GRB10: variants seen among roughly 807,000 people sequenced by gnomAD.
GRB10 encodes the protein growth factor receptor bound protein 10, also known as growth factor receptor-bound protein 10.
GRB10 carries 20 observed loss-of-function variants against 80.9 expected under a neutral mutation model. That is an observed-to-expected ratio of 0.25 (90% CI 0.17 to 0.36). GRB10 has a LOEUF of 0.36. Ranked by LOEUF, GRB10 falls within the 10% of genes least tolerant of loss-of-function variation. The pLI, the probability that GRB10 is intolerant of heterozygous loss-of-function variation, is 1.00. For synonymous variants in GRB10, 291 were observed against 291.5 expected (o/e 1.00, Z 0.02); for missense variants, 548 against 747.7 (o/e 0.73, Z 3.12).
upstream of GRB10, among the ~76,000 whole-genome samples, chr7:50,784,581 C>T (rs574434159): frequency 2.0e-5 from 3 of 152,276 alleles, no homozygotes; most frequent in African/African-American, 7.2e-5. Flanking sequence ...GGTCCCAGTT[C>T]GAAGCAGCTG....
At chr7:50,681,822 T>C (rs976814698) in intron 5 of GRB10, among the ~76,000 whole-genome samples, 7 of 152,248 alleles carry the variant, frequency 4.6e-5, no homozygotes, top group Non-Finnish European at 1.0e-4. Flanking sequence ...GAGGTGTAAC[T>C]TCCCCTTTTA....
chr7:50,639,410 T>C (rs1184453075), intron 7 of GRB10, among the ~76,000 whole-genome samples: 1 of 152,184 alleles, frequency 6.6e-6, no homozygotes, highest in Non-Finnish European at 1.5e-5. Context: ...GCGCAGTGGC[T>C]CACGCCTGTA....
At chr7:50,634,571 G>A (rs2054590206) in intron 7 of GRB10, among the ~76,000 whole-genome samples, 2 of 152,094 alleles carry the variant, frequency 1.3e-5, no homozygotes, top group Admixed American at 1.3e-4. Flanking sequence ...TGGCCTAAAT[G>A]TTCCATTTAA....
At chr7:50,637,749 G>A (rs1367596343) in intron 7 of GRB10, among the ~76,000 whole-genome samples, 1 of 150,344 alleles carries the variant, frequency 6.7e-6, no homozygotes, top group African/African-American at 2.4e-5. Flanking sequence ...AATAGCCACA[G>A]CAATTCTAAG....
At chr7:50,602,612 CTA>C (rs974376598) in intron 17 of GRB10, among the ~76,000 whole-genome samples, 5 of 152,176 alleles carry the variant, frequency 3.3e-5, no homozygotes, top group African/African-American at 7.2e-5. Flanking sequence ...ATGAGAAAGA[CTA>C]TTTTATATCC....
chr7:50,617,922 C>A, intron 10 of GRB10, 149 bp downstream of exon 10: 1 of 735,310 alleles, frequency 1.4e-6, no homozygotes, highest in Non-Finnish European at 2.4e-6. Context: ...TCTAAACCCT[C>A]CCCCCAACCA....
At chr7:50,739,487 T>C (rs1283545088) in intron 3 of GRB10, among the ~76,000 whole-genome samples, 1 of 152,238 alleles carries the variant, frequency 6.6e-6, no homozygotes, top group African/African-American at 2.4e-5. Context: ...GACACATCCG[T>C]GACCAATCCA....
At chr7:50,641,353 G>A (rs550842209) in intron 7 of GRB10, among the ~76,000 whole-genome samples, 9 of 152,094 alleles carry the variant, frequency 5.9e-5, no homozygotes, top group African/African-American at 2.2e-4. Flanking sequence ...GACTGTTCAA[G>A]TCTTCCATTC....
intron 17 of GRB10, among the ~76,000 whole-genome samples, chr7:50,600,504 A>G (rs976775050): frequency 6.6e-6 from 1 of 152,178 alleles, no homozygotes; most frequent in Admixed American, 6.5e-5. Flanking sequence ...AAAACCAAAC[A>G]AAGACCAAAA....
chr7:50,773,466 GGCA>G (rs1562682329), intron 2 of GRB10, among the ~76,000 whole-genome samples: 1 of 9,966 alleles, frequency 1.0e-4, no homozygotes, highest in South Asian at 4.4e-3. Context: ...GGGAGGGGAA[GGCA>G]GGGGAGGGGA....
chr7:50,638,515 G>A (rs1269473437), intron 7 of GRB10, among the ~76,000 whole-genome samples: 3 of 152,166 alleles, frequency 2.0e-5, no homozygotes, highest in African/African-American at 7.2e-5. Flanking sequence ...AGTTATCAGA[G>A]AAATGCAAAT....
At chr7:50,683,895 T>C (rs1437457017) in intron 5 of GRB10, among the ~76,000 whole-genome samples, 2 of 152,204 alleles carry the variant, frequency 1.3e-5, no homozygotes, top group African/African-American at 4.8e-5. Context: ...CCAAGCAGAT[T>C]GGCTTGTTAA....
chr7:50,792,746 C>G, intron 1 of GRB10: 1 of 274,854 alleles, frequency 3.6e-6, no homozygotes, highest in African/African-American at 2.2e-5. Flanking sequence ...GCGCGCGCCG[C>G]GGCCCCGCCG....
At chr7:50,758,562 T>C (rs925126703) in intron 2 of GRB10, among the ~76,000 whole-genome samples, 4 of 152,214 alleles carry the variant, frequency 2.6e-5, no homozygotes, top group African/African-American at 9.7e-5. Flanking sequence ...TTTAGAGTAA[T>C]AACAGTGACT....
At chr7:50,631,264 G>A (rs899625660) in intron 7 of GRB10, among the ~76,000 whole-genome samples, 1 of 151,974 alleles carries the variant, frequency 6.6e-6, no homozygotes, top group Non-Finnish European at 1.5e-5. Flanking sequence ...AGCAGTAATC[G>A]CCTTGTAAAA....
upstream of GRB10, among the ~76,000 whole-genome samples, chr7:50,783,635 G>C (rs75341485): frequency 0.036 from 5,469 of 152,150 alleles, 321 homozygotes; most frequent in African/African-American, 0.13. Context: ...ATTCACTGCC[G>C]TTTACAAGGC....
intron 4 of GRB10, among the ~76,000 whole-genome samples, chr7:50,716,181 A>C (rs1689894215): frequency 6.6e-6 from 1 of 152,124 alleles, no homozygotes; most frequent in Admixed American, 6.5e-5. Context: ...GTTCCCACCA[A>C]CCCAAATGGA....
At chr7:50,677,820 C>G (rs2061120084) in intron 5 of GRB10, among the ~76,000 whole-genome samples, 1 of 152,226 alleles carries the variant, frequency 6.6e-6, no homozygotes, top group Non-Finnish European at 1.5e-5. Context: ...GCAGGTTGGT[C>G]TCAATGCCAC....
intron 4 of GRB10, among the ~76,000 whole-genome samples, chr7:50,717,842 A>G (rs1405919098): frequency 2.0e-5 from 3 of 152,220 alleles, no homozygotes; most frequent in Non-Finnish European, 4.4e-5. Flanking sequence ...AGATACACAG[A>G]TCGGTTCACC....
Sources: allele counts gnomAD v4.1 joint callset (sites outside exome capture counted in the v4.1 genomes callset), GRCh38; gene constraint gnomAD v4.1.1; transcripts MANE v1.5; gene names NCBI Gene and HGNC (gene_info 2026-07-23, HGNC 2026-07-21).